The following SKI variants were observed in gnomAD, a reference collection of about 807,000 sequenced individuals.
SKI encodes the protein ski oncogene.
Under a neutral mutation model 59.3 loss-of-function variants are expected in SKI, and 23 were observed. That is an observed-to-expected ratio of 0.39 (90% CI 0.28 to 0.55). The LOEUF (loss-of-function observed/expected upper bound fraction) is 0.55. SKI is among the 20% of genes least tolerant of loss of function. SKI has a pLI of 0.67. For missense variants in SKI, 1,017 were observed against 1,038.9 expected (o/e 0.98, Z 0.29); for synonymous variants, 673 against 488.6 (o/e 1.38, Z -4.98).
intron 1 of SKI, among the ~76,000 whole-genome samples, chr1:2,242,289 G>A (rs1638896991): frequency 6.6e-6 from 1 of 152,180 alleles, no homozygotes; most frequent in African/African-American, 2.4e-5. Flanking sequence ...CCCCAGAACA[G>A]CCGAGAAGAG....
intron 1 of SKI, among the ~76,000 whole-genome samples, chr1:2,238,313 A>G (rs1638795369): frequency 6.6e-6 from 1 of 152,228 alleles, no homozygotes; most frequent in South Asian, 2.1e-4. Context: ...ATGGTTTCCC[A>G]GATGACTGGG....
chr1:2,285,792 C>G (rs1213986965), intron 1 of SKI, among the ~76,000 whole-genome samples: 1 of 151,562 alleles, frequency 6.6e-6, no homozygotes, highest in Non-Finnish European at 1.5e-5. Context: ...TCTCGAACAC[C>G]TGACCTCACA....
chr1:2,231,696 C>T (rs1251032449), intron 1 of SKI, among the ~76,000 whole-genome samples: 3 of 152,234 alleles, frequency 2.0e-5, no homozygotes, highest in South Asian at 2.1e-4. Context: ...GTGACTGCGT[C>T]CTCTAGGCCT....
intron 1 of SKI, among the ~76,000 whole-genome samples, chr1:2,296,377 CAG>C (rs1640284739): frequency 1.3e-5 from 2 of 152,248 alleles, no homozygotes; most frequent in Admixed American, 1.3e-4. Context: ...GCCTGGGTGA[CAG>C]AGCAAGACTC....
At chr1:2,242,917 T>C (rs1031674902) in intron 1 of SKI, among the ~76,000 whole-genome samples, 3 of 152,246 alleles carry the variant, frequency 2.0e-5, no homozygotes, top group Non-Finnish European at 2.9e-5. Context: ...GTGGGAATAT[T>C]ATTGTGACAT....
intron 1 of SKI, among the ~76,000 whole-genome samples, chr1:2,258,202 C>G (rs1340666395): frequency 2.0e-5 from 3 of 152,176 alleles, no homozygotes; most frequent in African/African-American, 7.2e-5. Flanking sequence ...GGTGTTTTAT[C>G]TAGTGACAAT....
Position 2,303,953 on chromosome 1 carries a change from C to G in SKI, c.1325C>G (p.Ala442Gly). Residue 442 changes from alanine to glycine, a missense_variant, in exon 4 of 7, where the codon GCC becomes GGC. Ala to Gly is a moderately conservative substitution (Grantham distance 60). Coordinates refer to ENST00000378536, the MANE Select transcript of SKI (RefSeq NM_003036.4). The surrounding 1 kb of genome is among the most constrained non-coding windows in gnomAD (Gnocchi z 5.6). ...CCGTGTGCCGCCGCCGTCTCCCGGG[C>G]CCCCGAGCCTCTCGCCACTTGCACC... is the stretch of plus-strand genomic sequence containing the variant. ...SPPCAAAVSR[A>G]PEPLATCTQP... 2 of 1,611,920 alleles carry G rather than the reference C, an allele frequency of 1.2e-6. No individual in the cohort carries two copies. The highest frequency in any genetic ancestry group is 2.2e-5 in the South Asian group (2 of 91,026).
chr1:2,306,545 C>T, intron 6 of SKI, 32 bp from the exon 7 acceptor site: 14 of 1,530,514 alleles, frequency 9.1e-6, no homozygotes, highest in South Asian at 3.6e-5. Flanking sequence ...GGGCAGCGAG[C>T]AGGCGCCGCT....
At chr1:2,235,050 T>TA (rs990209913) in intron 1 of SKI, among the ~76,000 whole-genome samples, 3 of 150,820 alleles carry the variant, frequency 2.0e-5, no homozygotes, top group African/African-American at 7.3e-5. Context: ...TTGTTATTTT[T>TA]TTTTTTTTTT....
At chr1:2,235,504 G>A (rs1638733927) in intron 1 of SKI, among the ~76,000 whole-genome samples, 1 of 152,240 alleles carries the variant, frequency 6.6e-6, no homozygotes, top group Admixed American at 6.5e-5. Flanking sequence ...GGGGGCTGGG[G>A]GGCATGATAA....
intron 1 of SKI, among the ~76,000 whole-genome samples, chr1:2,298,404 C>T (rs1640341096): frequency 1.3e-5 from 2 of 152,278 alleles, no homozygotes; most frequent in African/African-American, 2.4e-5. Context: ...GTGCGCCTCT[C>T]CCTTGGAGCA....
rs1318883121 is a variant in SKI at position 2,309,898 on chromosome 1, A to T, written c.*3133A>T. 1 of 104,448 alleles carries T rather than the reference A, an allele frequency of 9.6e-6. No individual in the cohort carries two copies. Among genetic ancestry groups the T allele is most frequent in the East Asian group, 2.8e-4 (1 of 3,540 alleles). The allele number at this position is 104,448 out of a possible 1,614,324, so 6.5% of individuals were successfully genotyped here. ...TCCCTCAGCCCACCAGGGTCCAGGG[A>T]GATGTTCGTTCTCGCTTTAAGTCAG... is the stretch of plus-strand genomic sequence containing the variant. On this transcript the variant is annotated 3_prime_UTR_variant, in exon 7 of 7. Coordinates refer to ENST00000378536, the MANE Select transcript of SKI (RefSeq NM_003036.4).
At chr1:2,299,548 C>A (rs1185471191) in intron 1 of SKI, among the ~76,000 whole-genome samples, 1 of 152,162 alleles carries the variant, frequency 6.6e-6, no homozygotes, top group Non-Finnish European at 1.5e-5. Flanking sequence ...AGGACTCCAG[C>A]CTCCCTGCCA....
chr1:2,291,483 C>G (rs1640161191), intron 1 of SKI, among the ~76,000 whole-genome samples: 1 of 152,254 alleles, frequency 6.6e-6, no homozygotes, highest in African/African-American at 2.4e-5. Context: ...GCAGCACTGC[C>G]TGGCCATTGG....
chr1:2,290,369 G>A (rs538849951), intron 1 of SKI, among the ~76,000 whole-genome samples: 4 of 152,264 alleles, frequency 2.6e-5, no homozygotes, highest in East Asian at 1.9e-4. Context: ...CCTTCTGTGC[G>A]GGACACTTGG....
chr1:2,235,560 C>T (rs1261932544), intron 1 of SKI, among the ~76,000 whole-genome samples: 2 of 152,208 alleles, frequency 1.3e-5, no homozygotes, highest in Non-Finnish European at 2.9e-5. Context: ...GAGAGAGTTC[C>T]AGAAGGGCCC....
intron 1 of SKI, among the ~76,000 whole-genome samples, chr1:2,258,696 A>C (rs1024413841): frequency 6.6e-6 from 1 of 152,032 alleles, no homozygotes; most frequent in Non-Finnish European, 1.5e-5. Context: ...CTGGGATTAT[A>C]GGCGCCTGCC....
At chr1:2,239,773 C>T (rs1051398318) in intron 1 of SKI, among the ~76,000 whole-genome samples, 2 of 152,218 alleles carry the variant, frequency 1.3e-5, no homozygotes, top group Non-Finnish European at 2.9e-5. Flanking sequence ...TTCACGGCTC[C>T]GGGGCTGAGT....
chr1:2,255,904 C>G (rs1353594863), intron 1 of SKI, among the ~76,000 whole-genome samples: 4 of 150,918 alleles, frequency 2.7e-5, no homozygotes, highest in African/African-American at 9.8e-5. Context: ...GACCTCATTT[C>G]CTGTCTGGAG....
Sources: gnomAD v4.1 joint callset for allele counts (sites outside exome capture counted in the v4.1 genomes callset) on GRCh38, gnomAD v4.1.1 for gene constraint, Gnocchi (gnomAD v3.1) non-coding constraint, MANE v1.5 for transcripts, NCBI Gene and HGNC (gene_info 2026-07-23, HGNC 2026-07-21) for gene names.